Variants in FHIT observed in about 807,000 individuals in gnomAD.
The protein encoded by FHIT is fragile histidine triad diadenosine triphosphatase.
A neutral mutation model predicts 17.9 loss-of-function variants in FHIT; 19 were observed. That is an observed-to-expected ratio of 1.06 (90% CI 0.74 to 1.56). FHIT has a LOEUF of 1.56. Ranked by LOEUF, FHIT falls within the 40% of genes most tolerant of loss-of-function variation. The pLI, the probability that FHIT is intolerant of heterozygous loss-of-function variation, is 0.00. For synonymous variants in FHIT, 81 were observed against 69.7 expected (o/e 1.16, Z -0.81); for missense variants, 248 against 189.2 (o/e 1.31, Z -1.82).
At chr3:60,612,065 C>A (rs1003132956) in intron 4 of FHIT, among the ~76,000 whole-genome samples, 2 of 152,072 alleles carry the variant, frequency 1.3e-5, no homozygotes, top group Non-Finnish European at 2.9e-5. Flanking sequence ...CTGAACTGGC[C>A]CAGAAATAAT....
At chr3:60,713,201 C>G (rs1430021912) in intron 4 of FHIT, among the ~76,000 whole-genome samples, 1 of 151,382 alleles carries the variant, frequency 6.6e-6, no homozygotes, top group Non-Finnish European at 1.5e-5. Context: ...GAAATGAAGG[C>G]AGAAATAAAG....
At chr3:60,514,513 G>A (rs2035074528) in intron 5 of FHIT, among the ~76,000 whole-genome samples, 2 of 152,220 alleles carry the variant, frequency 1.3e-5, no homozygotes, top group East Asian at 1.9e-4. Context: ...GAGAAGGAGA[G>A]CATCAGGTTA....
In FHIT at chr3:60,357,511, C is replaced by A. The variant is rs138380478; in HGVS notation, c.103+179349G>T. On this transcript the variant is annotated intron_variant, in intron 5 of 9. Transcript: ENST00000492590. ...CCACCTGCCTCAGCCTCCCAAAGTG[C>A]TGGAATTACAGGCATGAGCCACCAC... Among the ~76,000 whole-genome samples, 647 of 152,238 alleles carry A rather than the reference C, an allele frequency of 4.2e-3. 6 individuals are homozygous for A. The highest frequency in any genetic ancestry group is 0.015 in the African/African-American group (622 of 41,552).
intron 8 of FHIT, among the ~76,000 whole-genome samples, chr3:59,791,912 T>C (rs182983312): frequency 1.3e-4 from 20 of 152,074 alleles, no homozygotes; most frequent in African/African-American, 4.6e-4. Flanking sequence ...AGTCAAGGAG[T>C]AGCTTACGGC....
At chr3:60,459,796 C>T (rs1043542564) in intron 5 of FHIT, among the ~76,000 whole-genome samples, 1 of 152,136 alleles carries the variant, frequency 6.6e-6, no homozygotes, top group Non-Finnish European at 1.5e-5. Context: ...TAACAGCATT[C>T]CTGCAAGTTA....
At chr3:59,949,857 G>A (rs575663091) in intron 7 of FHIT, among the ~76,000 whole-genome samples, 3 of 152,156 alleles carry the variant, frequency 2.0e-5, no homozygotes, top group East Asian at 1.9e-4. Context: ...GATGGGGAAC[G>A]CAGGGTATGA....
chr3:60,721,661 T>C (rs1289569202), intron 4 of FHIT, among the ~76,000 whole-genome samples: 1 of 152,186 alleles, frequency 6.6e-6, no homozygotes, highest in East Asian at 1.9e-4. Flanking sequence ...TATAAATTTT[T>C]CTTGGCTTTT....
At chr3:60,330,756 G>C (rs570433775) in intron 5 of FHIT, among the ~76,000 whole-genome samples, 3 of 152,212 alleles carry the variant, frequency 2.0e-5, no homozygotes, top group African/African-American at 4.8e-5. Context: ...GTTGTCTACA[G>C]AACGGGATTG....
intron 5 of FHIT, among the ~76,000 whole-genome samples, chr3:60,118,656 A>G (rs904808086): frequency 4.6e-5 from 7 of 151,960 alleles, no homozygotes; most frequent in Non-Finnish European, 7.4e-5. Flanking sequence ...CTAATATTAG[A>G]AAGTACATAC....
chr3:59,965,651 T>C (rs1458835828), intron 7 of FHIT, among the ~76,000 whole-genome samples: 1 of 152,214 alleles, frequency 6.6e-6, no homozygotes, highest in African/African-American at 2.4e-5. Context: ...TTTAGGTTTA[T>C]TAGATTTAGC....
intron 3 of FHIT, among the ~76,000 whole-genome samples, chr3:60,850,266 T>C (rs1703098300): frequency 6.6e-6 from 1 of 151,564 alleles, no homozygotes; most frequent in Non-Finnish European, 1.5e-5. Flanking sequence ...GTGCAACTAA[T>C]AATAAAGTGG....
intron 4 of FHIT, among the ~76,000 whole-genome samples, chr3:60,751,716 T>G (rs1204906544): frequency 6.7e-6 from 1 of 150,284 alleles, no homozygotes; most frequent in Non-Finnish European, 1.5e-5. Context: ...GTAGCAACTT[T>G]CTCAAAATCT....
At chr3:60,708,228 T>C (rs1224578231) in intron 4 of FHIT, among the ~76,000 whole-genome samples, 1 of 152,212 alleles carries the variant, frequency 6.6e-6, no homozygotes, top group African/African-American at 2.4e-5. Flanking sequence ...GAAAGATCTG[T>C]GGTGGTAAAA....
At chr3:60,991,531 C>A (rs2030214863) in intron 3 of FHIT, among the ~76,000 whole-genome samples, 1 of 152,188 alleles carries the variant, frequency 6.6e-6, no homozygotes, top group Non-Finnish European at 1.5e-5. Context: ...GATAGCATTT[C>A]CCTTACAGAT....
chr3:59,997,869 T>C (rs1699579023), intron 7 of FHIT, among the ~76,000 whole-genome samples: 1 of 152,174 alleles, frequency 6.6e-6, no homozygotes, highest in Admixed American at 6.5e-5. Context: ...ATATAAGCCC[T>C]TCTGCTGTGG....
chr3:60,806,607 A>T (rs1227713993), intron 4 of FHIT, among the ~76,000 whole-genome samples: 3 of 152,204 alleles, frequency 2.0e-5, no homozygotes, highest in Non-Finnish European at 4.4e-5. Flanking sequence ...GTATTTGTTC[A>T]TATCTTTCTC....
In FHIT at chr3:60,861,371, A is replaced by G. The variant is rs974880037; in HGVS notation, c.-110-39360T>C. Among the ~76,000 whole-genome samples, 3 of 146,954 alleles carry G rather than the reference A, an allele frequency of 2.0e-5. No homozygotes were observed. The Admixed American group carries it at 2.1e-4, about 10-fold the overall frequency. On this transcript the variant is annotated intron_variant, in intron 3 of 9. Transcript: ENST00000492590. Reference sequence around the variant, plus strand: ...GTTTCTCAGCCTGGGCACTACTGATATTTTGGACTACAGAATTCTTTGTTA... The same window carrying G: ...GTTTCTCAGCCTGGGCACTACTGATGTTTTGGACTACAGAATTCTTTGTTA...
At chr3:60,929,979 A>G (rs1432833879) in intron 3 of FHIT, among the ~76,000 whole-genome samples, 1 of 152,246 alleles carries the variant, frequency 6.6e-6, no homozygotes, top group Non-Finnish European at 1.5e-5. Flanking sequence ...ACAAGGCTAC[A>G]GTAATCAAAA....
At chr3:60,621,954 C>T (rs1553678827) in intron 4 of FHIT, among the ~76,000 whole-genome samples, 1 of 152,024 alleles carries the variant, frequency 6.6e-6, no homozygotes, top group East Asian at 1.9e-4. Flanking sequence ...GCTAGTATGC[C>T]AATGAGGTGT....
Sources: gnomAD v4.1 joint callset for allele counts (sites outside exome capture counted in the v4.1 genomes callset) on GRCh38, gnomAD v4.1.1 for gene constraint, MANE v1.5 for transcripts, NCBI Gene and HGNC (gene_info 2026-07-23, HGNC 2026-07-21) for gene names.